The following TCF12 variants were observed in gnomAD, a reference collection of about 807,000 sequenced individuals.
TCF12 encodes transcription factor 12, also known as DNA-binding protein HTF4.
Under a neutral mutation model 86.0 loss-of-function variants are expected in TCF12, and 45 were observed. The ratio of observed to expected loss-of-function variants is 0.52; its 90% CI spans 0.41 to 0.67. TCF12 has a LOEUF of 0.67. Ranked by LOEUF, TCF12 falls within the 30% of genes least tolerant of loss-of-function variation. TCF12 has a pLI of 0.00. For missense variants in TCF12, 881 were observed against 859.9 expected (o/e 1.02, Z -0.31); for synonymous variants, 330 against 299.6 (o/e 1.10, Z -1.05).
intron 6 of TCF12, among the ~76,000 whole-genome samples, chr15:57,190,640 A>G (rs1444303104): frequency 1.3e-5 from 2 of 152,146 alleles, no homozygotes; most frequent in Non-Finnish European, 2.9e-5. Flanking sequence ...ATCTTGGTGC[A>G]AAATTCTGCC....
chr15:57,077,807 A>G (rs140723642), intron 4 of TCF12, among the ~76,000 whole-genome samples: 6 of 151,354 alleles, frequency 4.0e-5, no homozygotes, highest in Non-Finnish European at 8.8e-5. Context: ...TCCTGGCTTG[A>G]AAGAATTAGT....
intron 8 of TCF12, among the ~76,000 whole-genome samples, chr15:57,214,572 A>G (rs2058255320): frequency 6.6e-6 from 1 of 152,176 alleles, no homozygotes; most frequent in South Asian, 2.1e-4. Context: ...TAGACTTGAG[A>G]TATTTGTAAA....
chr15:57,170,675 A>ATAATAT (rs1486411354), intron 6 of TCF12, among the ~76,000 whole-genome samples: 1 of 9,456 alleles, frequency 1.1e-4, no homozygotes, highest in East Asian at 2.2e-3. Context: ...ATATATATAT[A>ATAATAT]ATATATTATA....
chr15:57,086,935 GA>G (rs1446287866), intron 4 of TCF12, among the ~76,000 whole-genome samples: 1 of 151,906 alleles, frequency 6.6e-6, no homozygotes, highest in Non-Finnish European at 1.5e-5. Flanking sequence ...TTAGCCAAAA[GA>G]AAAAATTCTT....
chr15:56,970,922 T>G (rs1416732623), intron 3 of TCF12, among the ~76,000 whole-genome samples: 2 of 151,904 alleles, frequency 1.3e-5, no homozygotes, highest in Non-Finnish European at 2.9e-5. Context: ...GGCATGGCAG[T>G]CCACGCCTAT....
At chr15:56,961,332 A>G (rs1264300136) in intron 3 of TCF12, among the ~76,000 whole-genome samples, 2 of 152,190 alleles carry the variant, frequency 1.3e-5, no homozygotes, top group South Asian at 2.1e-4. Context: ...AACATCTTAG[A>G]AAAAATACCT....
At chr15:57,026,804 G>A (rs1360248246) in intron 3 of TCF12, among the ~76,000 whole-genome samples, 2 of 151,964 alleles carry the variant, frequency 1.3e-5, no homozygotes, top group Non-Finnish European at 2.9e-5. Context: ...ACCCCTGCAG[G>A]TAACAAAATT....
intron 3 of TCF12, among the ~76,000 whole-genome samples, chr15:57,061,818 T>C (rs572034180): frequency 2.0e-5 from 3 of 152,280 alleles, no homozygotes; most frequent in Admixed American, 6.5e-5. Flanking sequence ...ATTAGTGGAT[T>C]TTGTAGGTTA....
intron 3 of TCF12, among the ~76,000 whole-genome samples, chr15:56,966,837 A>T (rs998044750): frequency 6.6e-6 from 1 of 152,138 alleles, no homozygotes; most frequent in Non-Finnish European, 1.5e-5. Flanking sequence ...GGAATAAAAA[A>T]GTTGGCTGGG....
intron 3 of TCF12, among the ~76,000 whole-genome samples, chr15:56,971,433 A>C (rs2062315340): frequency 6.6e-6 from 1 of 151,954 alleles, no homozygotes; most frequent in Admixed American, 6.6e-5. Context: ...TCAAAAAAGA[A>C]AAAAAAAGAA....
chr15:57,270,534 T>C (rs1224571391), intron 18 of TCF12, among the ~76,000 whole-genome samples: 1 of 152,204 alleles, frequency 6.6e-6, no homozygotes, highest in Non-Finnish European at 1.5e-5. Flanking sequence ...ACAGCTTTCT[T>C]ATTACCGACC....
At chr15:57,023,975 G>A (rs1368291269) in intron 3 of TCF12, among the ~76,000 whole-genome samples, 1 of 152,094 alleles carries the variant, frequency 6.6e-6, no homozygotes, top group African/African-American at 2.4e-5. Flanking sequence ...AATCTAATGT[G>A]ACCACTGATC....
intron 6 of TCF12, among the ~76,000 whole-genome samples, chr15:57,182,701 T>C (rs1214807806): frequency 4.6e-5 from 7 of 152,152 alleles, no homozygotes; most frequent in Non-Finnish European, 8.8e-5. Context: ...CCTAACCACA[T>C]ATCCAGATTT....
At chr15:57,175,523 G>A (rs1243663305) in intron 6 of TCF12, among the ~76,000 whole-genome samples, 1 of 152,138 alleles carries the variant, frequency 6.6e-6, no homozygotes, top group Non-Finnish European at 1.5e-5. Flanking sequence ...TTTGTAACAA[G>A]ATTACACTGG....
intron 3 of TCF12, among the ~76,000 whole-genome samples, chr15:56,955,494 A>G (rs2061470473): frequency 6.6e-6 from 1 of 152,206 alleles, no homozygotes; most frequent in Admixed American, 6.5e-5. Context: ...TGACACATGT[A>G]TACCTATGTA....
chr15:57,081,126 G>C (rs2070612521), intron 4 of TCF12, among the ~76,000 whole-genome samples: 1 of 152,068 alleles, frequency 6.6e-6, no homozygotes, highest in Admixed American at 6.6e-5. Flanking sequence ...TGCCAAACTG[G>C]GTAGTTAAAT....
chr15:57,066,953 A>T (rs964413682), intron 4 of TCF12, among the ~76,000 whole-genome samples: 1 of 152,222 alleles, frequency 6.6e-6, no homozygotes, highest in African/African-American at 2.4e-5. Context: ...TAATTGTAAG[A>T]TACCATTCTA....
intron 18 of TCF12, among the ~76,000 whole-genome samples, chr15:57,272,607 A>G (rs2061194031): frequency 6.6e-6 from 1 of 152,232 alleles, no homozygotes; most frequent in Non-Finnish European, 1.5e-5. Context: ...GTTAAAATGC[A>G]GCTTCTAATT....
chr15:57,250,168 A>G (rs767974104), intron 13 of TCF12, among the ~76,000 whole-genome samples: 6 of 152,202 alleles, frequency 3.9e-5, no homozygotes, highest in Non-Finnish European at 8.8e-5. Flanking sequence ...TTTTTAATAG[A>G]TGACCCCAAG....
Sources: gnomAD v4.1 joint callset for allele counts (sites outside exome capture counted in the v4.1 genomes callset) on GRCh38, gnomAD v4.1.1 for gene constraint, MANE v1.5 for transcripts, NCBI Gene and HGNC (gene_info 2026-07-23, HGNC 2026-07-21) for gene names.